The following DYNC1I1 variants were observed in gnomAD, a reference collection of about 807,000 sequenced individuals.
DYNC1I1 encodes cytoplasmic dynein 1 intermediate chain 1.
Under a neutral mutation model 86.6 loss-of-function variants are expected in DYNC1I1, and 43 were observed. That is an observed-to-expected ratio of 0.50 (90% confidence interval 0.39 to 0.64). DYNC1I1 has a LOEUF of 0.64. Among genes scored for constraint, DYNC1I1 ranks in the 30% least tolerant of loss-of-function variants. The pLI is 0.00. For missense variants in DYNC1I1, 604 were observed against 788.8 expected (o/e 0.77, Z 2.81); for synonymous variants, 262 against 283.7 (o/e 0.92, Z 0.77).
chr7:95,894,387 C>G lies in DYNC1I1; in HGVS notation c.490+24389C>G, dbSNP rs189098631. ...AGGGTCTCTTTATAAGAGTACCAAT[C>G]CCCAGTTATCTCCCAAAGGACCTAC... On this transcript the variant is annotated intron_variant, in intron 6 of 16. Transcript: ENST00000447467. Among the ~76,000 whole-genome samples, 589 of 151,948 alleles carry G rather than the reference C, an allele frequency of 3.9e-3. 7 individuals are homozygous for G. The highest frequency in any genetic ancestry group is 0.013 in the South Asian group (64 of 4,788).
intron 6 of DYNC1I1, among the ~76,000 whole-genome samples, chr7:95,880,547 C>A (rs951586094): frequency 9.2e-5 from 14 of 152,028 alleles, no homozygotes; most frequent in African/African-American, 3.1e-4. Context: ...CTGTCAGGTC[C>A]AGCCTTACCT....
At chr7:95,878,076 C>T (rs969931242) in intron 6 of DYNC1I1, among the ~76,000 whole-genome samples, 2 of 152,074 alleles carry the variant, frequency 1.3e-5, no homozygotes, top group Non-Finnish European at 2.9e-5. Context: ...AAGCAAATAA[C>T]AATAACAAAC....
At chr7:95,997,977 A>G (rs936184951) in intron 10 of DYNC1I1, among the ~76,000 whole-genome samples, 3 of 152,212 alleles carry the variant, frequency 2.0e-5, no homozygotes, top group African/African-American at 7.2e-5. Flanking sequence ...CAGCCAGGGA[A>G]GTCCTAGATG....
At chr7:95,875,059 A>G (rs984208949) in intron 6 of DYNC1I1, among the ~76,000 whole-genome samples, 1 of 152,200 alleles carries the variant, frequency 6.6e-6, no homozygotes, top group African/African-American at 2.4e-5. Flanking sequence ...CCCTCAAGGG[A>G]GTCCATTAGC....
intron 1 of DYNC1I1, among the ~76,000 whole-genome samples, chr7:95,779,383 T>C (rs1051892745): frequency 9.9e-5 from 15 of 152,096 alleles, no homozygotes; most frequent in African/African-American, 2.9e-4. Flanking sequence ...GTCTGTAAAA[T>C]GGGGAAAATG....
intron 5 of DYNC1I1, among the ~76,000 whole-genome samples, chr7:95,865,463 C>T (rs1735897512): frequency 6.6e-6 from 1 of 152,016 alleles, no homozygotes; most frequent in South Asian, 2.1e-4. Context: ...TATTTAGTGC[C>T]TGCTATGTAC....
intron 5 of DYNC1I1, among the ~76,000 whole-genome samples, chr7:95,864,707 A>G (rs888976612): frequency 6.6e-6 from 1 of 152,150 alleles, no homozygotes; most frequent in Admixed American, 6.5e-5. Context: ...GTATACCGCA[A>G]TCTACTTTCT....
chr7:95,990,849 G>A (rs1793711310), intron 9 of DYNC1I1, among the ~76,000 whole-genome samples: 1 of 151,934 alleles, frequency 6.6e-6, no homozygotes, highest in South Asian at 2.1e-4. Flanking sequence ...GGGCAACATG[G>A]CAAAACCCCA....
chr7:95,934,296 G>A (rs956795731), intron 6 of DYNC1I1, among the ~76,000 whole-genome samples: 1 of 152,098 alleles, frequency 6.6e-6, no homozygotes, highest in African/African-American at 2.4e-5. Flanking sequence ...TAGGTACTAG[G>A]GGTCACATGT....
intron 5 of DYNC1I1, among the ~76,000 whole-genome samples, chr7:95,832,889 G>T (rs1788953473): frequency 6.6e-6 from 1 of 152,100 alleles, no homozygotes; most frequent in Non-Finnish European, 1.5e-5. Flanking sequence ...AGATGAGTGG[G>T]TCGTGAAAAT....
chr7:96,043,145 G>A (rs537103614), intron 14 of DYNC1I1, among the ~76,000 whole-genome samples: 116 of 147,412 alleles, frequency 7.9e-4, no homozygotes, highest in African/African-American at 2.8e-3. Context: ...CTCCAACCTG[G>A]TGACAGAGTG....
chr7:95,823,952 C>CTATATATATATATGTATATATA (rs1795138968), intron 4 of DYNC1I1, among the ~76,000 whole-genome samples: 1 of 77,902 alleles, frequency 1.3e-5, no homozygotes, highest in African/African-American at 6.6e-5. Context: ...TTCTACTAAA[C>CTATATATATATATGTATATATA]TATATATATA....
intron 10 of DYNC1I1, among the ~76,000 whole-genome samples, chr7:96,002,829 G>GT (rs201916337): frequency 0.011 from 1,596 of 150,782 alleles, 17 homozygotes; most frequent in African/African-American, 0.029. Flanking sequence ...TTTTTTTTGG[G>GT]TTTTTTTTGT....
At chr7:95,946,476 C>T (rs1274242381) in intron 6 of DYNC1I1, among the ~76,000 whole-genome samples, 2 of 152,024 alleles carry the variant, frequency 1.3e-5, no homozygotes, top group Non-Finnish European at 2.9e-5. Flanking sequence ...CTAAAAATGC[C>T]ACCTCCTCCA....
chr7:95,972,224 C>T (rs1793192025), intron 6 of DYNC1I1, among the ~76,000 whole-genome samples: 1 of 152,126 alleles, frequency 6.6e-6, no homozygotes, highest in Non-Finnish European at 1.5e-5. Flanking sequence ...AAATCTGGTA[C>T]TCACAGAATC....
At chr7:95,826,258 AAAGAC>A (rs1795200932) in intron 4 of DYNC1I1, among the ~76,000 whole-genome samples, 1 of 152,228 alleles carries the variant, frequency 6.6e-6, no homozygotes, top group Admixed American at 6.5e-5. Flanking sequence ...TTCTATGTAA[AAAGAC>A]AAGAGCACAG....
At chr7:96,063,105 A>ATGTGTGTGTG (rs1434101044) in intron 14 of DYNC1I1, among the ~76,000 whole-genome samples, 31 of 128,722 alleles carry the variant, frequency 2.4e-4, no homozygotes, top group African/African-American at 1.1e-3. Flanking sequence ...GTGTGTATAT[A>ATGTGTGTGTG]TATGTGTGTG....
downstream of DYNC1I1, among the ~76,000 whole-genome samples, chr7:96,100,528 G>T: frequency 6.6e-6 from 1 of 152,100 alleles, no homozygotes; most frequent in South Asian, 2.1e-4. Context: ...CAAAAGAATT[G>T]CAAAAATTAG....
intron 1 of DYNC1I1, among the ~76,000 whole-genome samples, chr7:95,778,197 G>A (rs988866352): frequency 1.1e-4 from 16 of 152,166 alleles, no homozygotes; most frequent in African/African-American, 3.9e-4. Context: ...TATGGCAGAA[G>A]GCATTTTGTG....
Sources: allele counts gnomAD v4.1 joint callset (sites outside exome capture counted in the v4.1 genomes callset), GRCh38; gene constraint gnomAD v4.1.1; transcripts MANE v1.5; gene names NCBI Gene and HGNC (gene_info 2026-07-23, HGNC 2026-07-21).